Variants in LINGO2 observed in about 807,000 individuals in gnomAD.
LINGO2 encodes leucine rich repeat and Ig domain containing 2, also known as leucine-rich repeat and immunoglobulin-like domain-containing nogo receptor-interacting protein 2.
Under a neutral mutation model 30.6 loss-of-function variants are expected in LINGO2, and 14 were observed. The ratio of observed to expected loss-of-function variants is 0.46; its 90% CI spans 0.30 to 0.72. The LOEUF is 0.72. Among genes scored for constraint, LINGO2 ranks in the 30% least tolerant of loss-of-function variants. The pLI is 0.07. For missense variants in LINGO2, 729 were observed against 751.7 expected, an observed-to-expected ratio of 0.97 and a Z score of 0.35; for synonymous variants, 317 against 288.5, an observed-to-expected ratio of 1.10 and a Z score of -1.00.
chr9:29,110,932 G>T, the LINGO2 span, among the ~76,000 whole-genome samples: 1 of 151,122 alleles, frequency 6.6e-6, no homozygotes, highest in Non-Finnish European at 1.5e-5. Context: ...CTCGTGATCC[G>T]CCCACCTCGG....
chr9:28,871,449 A>G, the LINGO2 span, among the ~76,000 whole-genome samples: 1 of 151,788 alleles, frequency 6.6e-6, no homozygotes, highest in Non-Finnish European at 1.5e-5. Flanking sequence ...TGGTGGCAGT[A>G]GAAAGGAGAT....
chr9:27,949,579 A>G, exon 6 of LINGO2: 1 of 1,614,092 alleles, frequency 6.2e-7, no homozygotes, highest in Non-Finnish European at 8.5e-7. Flanking sequence ...TGCAAGATCC[A>G]GAGAAGGCGG....
chr9:27,968,916 G>T (rs144697018), intron 5 of LINGO2, among the ~76,000 whole-genome samples: 1 of 151,118 alleles, frequency 6.6e-6, no homozygotes, highest in African/African-American at 2.4e-5. Context: ...CTCTACTAAG[G>T]AAATTACATA....
At chr9:28,901,911 C>A in the LINGO2 span, among the ~76,000 whole-genome samples, 1 of 152,012 alleles carries the variant, frequency 6.6e-6, no homozygotes, top group African/African-American at 2.4e-5. Flanking sequence ...CATAGATTGA[C>A]CAGGAACAGT....
chr9:28,433,949 CTA>C (rs375073572), intron 2 of LINGO2, among the ~76,000 whole-genome samples: 30,452 of 88,382 alleles, frequency 0.34, 4,875 homozygotes, highest in Non-Finnish European at 0.45. Context: ...CTCTCTCTCT[CTA>C]TATATATATA....
At chr9:29,004,307 G>C in the LINGO2 span, among the ~76,000 whole-genome samples, 1 of 151,396 alleles carries the variant, frequency 6.6e-6, no homozygotes, top group African/African-American at 2.4e-5. Flanking sequence ...ACATTTTATG[G>C]TATTTTATTT....
intron 3 of LINGO2, among the ~76,000 whole-genome samples, chr9:28,363,796 G>T (rs1820547698): frequency 6.6e-6 from 1 of 151,978 alleles, no homozygotes; most frequent in African/African-American, 2.4e-5. Context: ...TGTCTTTGAG[G>T]TTGACAATTA....
chr9:28,703,187 T>A, the LINGO2 span, among the ~76,000 whole-genome samples: 1 of 151,834 alleles, frequency 6.6e-6, no homozygotes, highest in Non-Finnish European at 1.5e-5. Flanking sequence ...TTCTTTTTTA[T>A]AACGTTCTAA....
chr9:28,520,086 T>C (rs1820773418), intron 1 of LINGO2, among the ~76,000 whole-genome samples: 1 of 152,190 alleles, frequency 6.6e-6, no homozygotes, highest in African/African-American at 2.4e-5. Context: ...TGTAAAATCA[T>C]TTGGGTTTTC....
chr9:28,046,589 T>C (rs758662694), intron 4 of LINGO2, among the ~76,000 whole-genome samples: 9 of 152,202 alleles, frequency 5.9e-5, no homozygotes, highest in Non-Finnish European at 1.5e-5. Flanking sequence ...AGTTTTACTG[T>C]TGGACTGGCT....
At chr9:28,969,111 T>C in the LINGO2 span, among the ~76,000 whole-genome samples, 1 of 152,200 alleles carries the variant, frequency 6.6e-6, no homozygotes, top group South Asian at 2.1e-4. Context: ...TTTACTGGGG[T>C]TATAGATAAA....
the LINGO2 span, among the ~76,000 whole-genome samples, chr9:28,862,518 C>T: frequency 2.6e-5 from 4 of 151,910 alleles, no homozygotes; most frequent in Admixed American, 2.6e-4. Context: ...AATTAGTATG[C>T]TAATTTATTT....
intron 4 of LINGO2, among the ~76,000 whole-genome samples, chr9:28,287,416 T>C (rs1823553434): frequency 6.6e-6 from 1 of 152,204 alleles, no homozygotes; most frequent in Non-Finnish European, 1.5e-5. Flanking sequence ...TTCTTTAGGC[T>C]CCTTCCTCCA....
At chr9:28,974,062 C>A in the LINGO2 span, among the ~76,000 whole-genome samples, 1 of 152,154 alleles carries the variant, frequency 6.6e-6, no homozygotes, top group Non-Finnish European at 1.5e-5. Flanking sequence ...AAATGATGAA[C>A]CAATTCAAAA....
At chr9:28,902,392 A>G in the LINGO2 span, among the ~76,000 whole-genome samples, 2 of 152,178 alleles carry the variant, frequency 1.3e-5, no homozygotes, top group Non-Finnish European at 2.9e-5. Flanking sequence ...ACCTAAATAT[A>G]TAAAGCAAAC....
At chr9:28,882,123 A>C in the LINGO2 span, among the ~76,000 whole-genome samples, 215 of 152,350 alleles carry the variant, frequency 1.4e-3, no homozygotes, top group Non-Finnish European at 2.3e-3. Context: ...CAGTAAATTC[A>C]ATTCCCAAAA....
intron 5 of LINGO2, among the ~76,000 whole-genome samples, chr9:27,966,938 G>A (rs1043582954): frequency 4.6e-5 from 7 of 152,086 alleles, no homozygotes; most frequent in African/African-American, 1.7e-4. Flanking sequence ...ATTCTGTTAA[G>A]TAGTTTTCCC....
At chr9:28,697,252 C>T in the LINGO2 span, among the ~76,000 whole-genome samples, 1 of 151,832 alleles carries the variant, frequency 6.6e-6, no homozygotes, top group Non-Finnish European at 1.5e-5. Flanking sequence ...CCTCTTCTTC[C>T]TAGTGTTCTG....
Position 28,060,857 on chromosome 9 carries a change from GTCT to G in LINGO2, c.-86-48455_-86-48453del, listed in dbSNP as rs367992096. On this transcript the variant is annotated intron_variant, in intron 4 of 5. Coordinates refer to ENST00000379992, the Ensembl canonical transcript of LINGO2. ...GAAAACCTGGCCTGATCTTAAACTT[GTCT>G]TCTTCTTTTCTTGGAAATGCCATGC... Among the ~76,000 whole-genome samples the G allele has an allele frequency of 1.9e-4, 29 of 152,202 alleles. 1 individual carries two copies. Among genetic ancestry groups the G allele is most frequent in the Admixed American group, 1.5e-3 (23 of 15,268 alleles).
Sources: gnomAD v4.1 joint callset for allele counts (sites outside exome capture counted in the v4.1 genomes callset) on GRCh38, gnomAD v4.1.1 for gene constraint, MANE v1.5 for transcripts, NCBI Gene and HGNC (gene_info 2026-07-23, HGNC 2026-07-21) for gene names.